Variants in CSMD1 observed in about 807,000 individuals in gnomAD.
CSMD1 encodes CUB and sushi domain-containing protein 1.
CSMD1 carries 213 observed loss-of-function variants against 417.5 expected under a neutral mutation model. That is an observed-to-expected ratio of 0.51 (90% CI 0.46 to 0.57). The LOEUF is 0.57. Among genes scored for constraint, CSMD1 ranks in the 20% least tolerant of loss-of-function variants. The pLI, the probability that CSMD1 is intolerant of heterozygous loss-of-function variation, is 0.00. For missense variants in CSMD1, 6,923 were observed against 4,529.7 expected, an observed-to-expected ratio of 1.53 and a Z score of -15.17; for synonymous variants, 2,862 against 1,736.8, an observed-to-expected ratio of 1.65 and a Z score of -16.11.
chr8:3,996,691 A>C (rs1352090708), intron 5 of CSMD1, among the ~76,000 whole-genome samples: 1 of 152,218 alleles, frequency 6.6e-6, no homozygotes, highest in African/African-American at 2.4e-5. Flanking sequence ...AGTGTTGTTC[A>C]GCATGAAAAA....
intron 46 of CSMD1, among the ~76,000 whole-genome samples, chr8:3,106,273 T>G (rs149225197): frequency 0.012 from 1,805 of 149,526 alleles, 33 homozygotes; most frequent in African/African-American, 0.04. Flanking sequence ...GGTGCATGCA[T>G]GTAGTCCCAG....
At chr8:3,908,999 C>T (rs1289822773) in intron 5 of CSMD1, among the ~76,000 whole-genome samples, 1 of 152,226 alleles carries the variant, frequency 6.6e-6, no homozygotes, top group African/African-American at 2.4e-5. Flanking sequence ...TGTTCTCCTT[C>T]ACTACTGTAG....
intron 3 of CSMD1, among the ~76,000 whole-genome samples, chr8:4,070,113 T>C (rs1319600759): frequency 1.3e-5 from 2 of 152,166 alleles, no homozygotes; most frequent in Non-Finnish European, 2.9e-5. Context: ...GATTTTTCAG[T>C]CTTCTTGTAA....
chr8:3,538,798 A>G (rs1450567085), intron 10 of CSMD1, among the ~76,000 whole-genome samples: 1 of 152,100 alleles, frequency 6.6e-6, no homozygotes, highest in African/African-American at 2.4e-5. Context: ...CTCCACTTGC[A>G]CCAAGAGCCT....
At chr8:4,392,782 A>G (rs967310410) in intron 3 of CSMD1, among the ~76,000 whole-genome samples, 23 of 151,910 alleles carry the variant, frequency 1.5e-4, no homozygotes, top group Admixed American at 1.4e-3. Flanking sequence ...ATCCTGGCCA[A>G]CATGGTGAAA....
intron 5 of CSMD1, among the ~76,000 whole-genome samples, chr8:3,900,778 G>A (rs553793362): frequency 1.5e-4 from 23 of 151,584 alleles, no homozygotes; most frequent in African/African-American, 1.7e-4. Context: ...GGGTGACACT[G>A]TAGCTGGGTG....
At chr8:3,241,335 T>C (rs111339352) in intron 26 of CSMD1, among the ~76,000 whole-genome samples, 14,937 of 149,824 alleles carry the variant, frequency 0.1, 947 homozygotes, top group Non-Finnish European at 0.13. Context: ...GGGAAACAGG[T>C]CCTTGAAAAG....
At chr8:3,310,773 C>A (rs765048805) in intron 23 of CSMD1, among the ~76,000 whole-genome samples, 1 of 151,052 alleles carries the variant, frequency 6.6e-6, no homozygotes, top group Non-Finnish European at 1.5e-5. Flanking sequence ...GGCAGCGGGG[C>A]CAGGAAACTG....
chr8:3,828,161 T>G (rs1239005310), intron 5 of CSMD1, among the ~76,000 whole-genome samples: 3 of 152,162 alleles, frequency 2.0e-5, no homozygotes, highest in African/African-American at 7.2e-5. Context: ...ACTTAACATT[T>G]ACAAAGGCAA....
chr8:4,791,898 T>A (rs1008088786), intron 1 of CSMD1, among the ~76,000 whole-genome samples: 2 of 152,194 alleles, frequency 1.3e-5, no homozygotes, highest in Non-Finnish European at 2.9e-5. Flanking sequence ...AATTGGTTCA[T>A]CTTATTCGAA....
intron 54 of CSMD1, among the ~76,000 whole-genome samples, chr8:2,989,007 G>A (rs1005122022): frequency 1.3e-5 from 2 of 152,192 alleles, no homozygotes; most frequent in African/African-American, 4.8e-5. Context: ...CACACTCAAT[G>A]AGTCCTCCAG....
At chr8:3,797,675 C>G (rs1032336630) in intron 5 of CSMD1, among the ~76,000 whole-genome samples, 2 of 151,922 alleles carry the variant, frequency 1.3e-5, no homozygotes, top group Non-Finnish European at 2.9e-5. Flanking sequence ...AATTAATGGA[C>G]TTTTGGATTG....
chr8:3,894,225 G>A (rs1167745296), intron 5 of CSMD1, among the ~76,000 whole-genome samples: 1 of 152,178 alleles, frequency 6.6e-6, no homozygotes, highest in East Asian at 1.9e-4. Context: ...AAGAACGCAG[G>A]TATCACAACA....
intron 2 of CSMD1, among the ~76,000 whole-genome samples, chr8:4,481,274 G>C (rs191970102): frequency 6.6e-6 from 1 of 152,222 alleles, no homozygotes; most frequent in African/African-American, 2.4e-5. Flanking sequence ...TTTTCCTGCT[G>C]TGCCAGCCCT....
intron 1 of CSMD1, among the ~76,000 whole-genome samples, chr8:4,909,873 T>C (rs150955015): frequency 4.6e-5 from 7 of 152,310 alleles, no homozygotes; most frequent in Admixed American, 6.5e-5. Context: ...AGAGAAGTCA[T>C]TGATTTGGGG....
rs961011788 is a variant in CSMD1, at chr8:3,761,664, C to T, written c.819-7622G>A. On this transcript the variant is annotated intron_variant, in intron 5 of 69. Transcript: ENST00000635120. ...GGGATTATAGGCACAAACCACCACA[C>T]CTGGCTAATTTTTGTATTTTTAGTA... Among the ~76,000 whole-genome samples, 3 of 152,086 alleles carry T rather than the reference C, an allele frequency of 2.0e-5. No individual in the cohort carries two copies. The South Asian group carries it at 6.3e-4, about 32-fold the overall frequency.
intron 23 of CSMD1, among the ~76,000 whole-genome samples, chr8:3,317,896 G>A (rs146917641): frequency 0.017 from 2,621 of 152,276 alleles, 29 homozygotes; most frequent in Non-Finnish European, 0.028. Flanking sequence ...CTACAGCCTT[G>A]ACCTAGCAGG....
intron 27 of CSMD1, among the ~76,000 whole-genome samples, chr8:3,224,188 A>T (rs1254288149): frequency 6.6e-6 from 1 of 152,226 alleles, no homozygotes; most frequent in Non-Finnish European, 1.5e-5. Flanking sequence ...CTTAATCCCC[A>T]TACCTGCCAA....
chr8:4,976,658 T>C (rs370738068), intron 1 of CSMD1, among the ~76,000 whole-genome samples: 8 of 152,300 alleles, frequency 5.3e-5, no homozygotes, highest in African/African-American at 1.9e-4. Flanking sequence ...TCGTCCACCC[T>C]AAATAGGATG....
Sources: gnomAD v4.1 joint callset for allele counts (sites outside exome capture counted in the v4.1 genomes callset) on GRCh38, gnomAD v4.1.1 for gene constraint, MANE v1.5 for transcripts, NCBI Gene and HGNC (gene_info 2026-07-23, HGNC 2026-07-21) for gene names.